SOX6: variants seen among roughly 807,000 people sequenced by gnomAD.
The protein encoded by SOX6 is transcription factor SOX-6.
SOX6 carries 11 observed loss-of-function variants against 97.8 expected under a neutral mutation model. The observed-to-expected ratio is 0.11, with a 90% CI of 0.07 to 0.19. The LOEUF (loss-of-function observed/expected upper bound fraction) is 0.19. Ranked by LOEUF, SOX6 falls within the 10% of genes least tolerant of loss-of-function variation. The pLI, the probability that SOX6 is intolerant of heterozygous loss-of-function variation, is 1.00. For synonymous variants in SOX6, 360 were observed against 371.4 expected (o/e 0.97, Z 0.35); for missense variants, 810 against 1,039.5 (o/e 0.78, Z 3.04).
At chr11:16,099,599 A>C (rs1400036475) in intron 7 of SOX6, among the ~76,000 whole-genome samples, 1 of 151,706 alleles carries the variant, frequency 6.6e-6, no homozygotes, top group Non-Finnish European at 1.5e-5. Flanking sequence ...CTTTATTTGT[A>C]CTAAAACATT....
chr11:16,655,676 T>G (rs1383212799), intron 3 of SOX6, among the ~76,000 whole-genome samples: 3 of 152,238 alleles, frequency 2.0e-5, no homozygotes, highest in African/African-American at 7.2e-5. Context: ...GTTCTGAAAC[T>G]CGTACTAGAA....
At chr11:16,387,196 T>C (rs1051885698) in intron 1 of SOX6, among the ~76,000 whole-genome samples, 1 of 152,174 alleles carries the variant, frequency 6.6e-6, no homozygotes, top group Non-Finnish European at 1.5e-5. Flanking sequence ...AAAAGACTGA[T>C]TTAACTGATT....
chr11:16,182,238 A>G (rs1360015000), intron 6 of SOX6, among the ~76,000 whole-genome samples: 2 of 151,880 alleles, frequency 1.3e-5, no homozygotes, highest in East Asian at 1.9e-4. Flanking sequence ...AGTAAAATAT[A>G]TTAGAAAAGA....
intron 4 of SOX6, among the ~76,000 whole-genome samples, chr11:16,551,618 T>A (rs1847687465): frequency 6.6e-6 from 1 of 152,062 alleles, no homozygotes; most frequent in Non-Finnish European, 1.5e-5. Context: ...ATATATATTT[T>A]TTTGAGACAG....
chr11:16,516,133 T>A (rs1370688770), intron 4 of SOX6, among the ~76,000 whole-genome samples: 1 of 149,722 alleles, frequency 6.7e-6, no homozygotes, highest in African/African-American at 2.5e-5. Context: ...GTAAATTACC[T>A]TGGGCAGTAT....
At chr11:16,447,610 T>C (rs759250270) in intron 1 of SOX6, among the ~76,000 whole-genome samples, 2 of 152,096 alleles carry the variant, frequency 1.3e-5, no homozygotes, top group Non-Finnish European at 1.5e-5. Flanking sequence ...ACTAGTAGAG[T>C]ACAAAATTTA....
At chr11:16,153,429 A>T (rs1850511245) in intron 6 of SOX6, among the ~76,000 whole-genome samples, 1 of 152,164 alleles carries the variant, frequency 6.6e-6, no homozygotes, top group African/African-American at 2.4e-5. Flanking sequence ...TTGCACAGGG[A>T]TATGTAGAGT....
intron 4 of SOX6, among the ~76,000 whole-genome samples, chr11:16,497,041 C>T (rs182982718): frequency 3.9e-5 from 6 of 152,242 alleles, no homozygotes; most frequent in East Asian, 1.9e-4. Flanking sequence ...CTCTGACACG[C>T]GAGTAGCCTA....
chr11:16,504,990 C>T (rs1305618419), intron 4 of SOX6, among the ~76,000 whole-genome samples: 1 of 152,094 alleles, frequency 6.6e-6, no homozygotes, highest in Non-Finnish European at 1.5e-5. Flanking sequence ...TATTTCTTTA[C>T]AGCAATTAGA....
chr11:16,399,440 A>C (rs1858484507), intron 1 of SOX6, among the ~76,000 whole-genome samples: 1 of 151,182 alleles, frequency 6.6e-6, no homozygotes. Context: ...GCTCATTTGC[A>C]ACCTTGAACG....
chr11:16,581,048 A>T (rs1204450319), intron 4 of SOX6, among the ~76,000 whole-genome samples: 1 of 152,196 alleles, frequency 6.6e-6, no homozygotes, highest in Non-Finnish European at 1.5e-5. Flanking sequence ...CGATTCCTCA[A>T]GAATCTAGAA....
chr11:16,126,943 C>T, intron 6 of SOX6, among the ~76,000 whole-genome samples: 1 of 152,070 alleles, frequency 6.6e-6, no homozygotes, highest in African/African-American at 2.4e-5. Flanking sequence ...ATCACCTAAT[C>T]ACGGAATATC....
chr11:16,205,094 A>G lies in SOX6; in HGVS notation c.536-18139T>C, dbSNP rs1852038587. On this transcript the variant is annotated intron_variant, in intron 4 of 15. Coordinates refer to ENST00000683767, the MANE Select transcript of SOX6 (RefSeq NM_001367873.1). ...CTTTAATTTTCCATGTCTAACATGT[A>G]ATTTAACAATGAAATGCTCATCTAA... is the stretch of plus-strand genomic sequence containing the variant. Among the ~76,000 whole-genome samples, 3 of 152,172 alleles carry G rather than the reference A, an allele frequency of 2.0e-5. No homozygotes were observed. In the South Asian group the frequency reaches 6.2e-4, roughly 31 times the overall value.
chr11:16,565,742 A>T lies in SOX6; in HGVS notation n.609+46339T>A, dbSNP rs1277994032. On this transcript the variant is annotated intron_variant and non_coding_transcript_variant, in intron 4 of 5. Transcript: ENST00000524520. ...TAAATAAAAAAAAAAAAAAAAAAAA[A>T]AAAAAAAAAAAAAAAACTCGTCAAC... 2.9e-3 allele frequency among the ~76,000 whole-genome samples: 40 copies of T among 14,020 alleles called. 4 individuals carry two copies. The highest frequency in any genetic ancestry group is 8.5e-3 in the African/African-American group (38 of 4,496). 9.2% of individuals were successfully genotyped at this position (14,020 alleles called of 152,430 possible).
intron 2 of SOX6, among the ~76,000 whole-genome samples, chr11:16,733,269 G>C (rs115106048): frequency 0.012 from 1,765 of 152,290 alleles, 27 homozygotes; most frequent in African/African-American, 0.04. Flanking sequence ...TTTAAAGACA[G>C]ATGCACATGT....
At chr11:16,628,293 A>G (rs1848652035) in intron 3 of SOX6, among the ~76,000 whole-genome samples, 1 of 152,108 alleles carries the variant, frequency 6.6e-6, no homozygotes, top group Admixed American at 6.5e-5. Context: ...TTCTGGTTCC[A>G]TATGAACTTT....
At chr11:16,114,907 G>A (rs1414720099) in intron 6 of SOX6, among the ~76,000 whole-genome samples, 2 of 152,150 alleles carry the variant, frequency 1.3e-5, no homozygotes, top group African/African-American at 2.4e-5. Flanking sequence ...TTGAATCTCA[G>A]TGCCTTAAAT....
intron 4 of SOX6, among the ~76,000 whole-genome samples, chr11:16,560,595 G>A (rs543443537): frequency 9.1e-6 from 1 of 110,436 alleles, no homozygotes; most frequent in African/African-American, 3.2e-5. Context: ...ATGTTTATAC[G>A]TACATGTATG....
At chr11:16,014,431 T>C (rs1854822377) in intron 13 of SOX6, among the ~76,000 whole-genome samples, 2 of 152,100 alleles carry the variant, frequency 1.3e-5, no homozygotes, top group Non-Finnish European at 2.9e-5. Flanking sequence ...ATCCCCAAAA[T>C]GGTTTGATTG....
Sources: allele counts gnomAD v4.1 joint callset (sites outside exome capture counted in the v4.1 genomes callset), GRCh38; gene constraint gnomAD v4.1.1; transcripts MANE v1.5; gene names NCBI Gene and HGNC (gene_info 2026-07-23, HGNC 2026-07-21).